Variants in RAP1GAP2 observed in about 807,000 individuals in gnomAD.
The protein encoded by RAP1GAP2 is RAP1 GTPase activating protein 2, also known as rap1 GTPase-activating protein 2.
Under a neutral mutation model 95.0 loss-of-function variants are expected in RAP1GAP2, and 27 were observed. The observed-to-expected ratio is 0.28, with a 90% CI of 0.21 to 0.39. RAP1GAP2 has a LOEUF of 0.39. Among genes scored for constraint, RAP1GAP2 ranks in the 10% least tolerant of loss-of-function variants. The pLI, the probability that RAP1GAP2 is intolerant of heterozygous loss-of-function variation, is 1.00. For missense variants in RAP1GAP2, 771 were observed against 970.0 expected (o/e 0.79, Z 2.72); for synonymous variants, 373 against 380.9 (o/e 0.98, Z 0.24).
chr17:2,756,306 C>T (rs59063966), intron 1 of RAP1GAP2, among the ~76,000 whole-genome samples: 2 of 152,122 alleles, frequency 1.3e-5, no homozygotes, highest in Non-Finnish European at 2.9e-5. Flanking sequence ...CCTAGGAGAC[C>T]AGGGCAGGGG....
intron 2 of RAP1GAP2, among the ~76,000 whole-genome samples, chr17:2,829,684 G>T (rs866257330): frequency 6.6e-6 from 1 of 152,168 alleles, no homozygotes; most frequent in African/African-American, 2.4e-5. Flanking sequence ...TTTCTCAGGG[G>T]AGACTAAGCT....
chr17:2,772,265 G>A (rs908867982), upstream of RAP1GAP2, among the ~76,000 whole-genome samples: 2 of 152,114 alleles, frequency 1.3e-5, no homozygotes, highest in Admixed American at 6.6e-5. Flanking sequence ...TGGGATTACA[G>A]GTGTGAACAC....
rs970287361 is a variant in RAP1GAP2 at position 3,012,609 on chromosome 17, A to T, written c.1494+4464A>T. ...CAGCAGATCCAGACTGTGTCTCAAA[A>T]AAAAAAAAAAAAAAAAAAAAAACAA... On this transcript the variant is annotated intron_variant, in intron 17 of 24. Coordinates refer to ENST00000254695, the MANE Select transcript of RAP1GAP2 (RefSeq NM_015085.5). Among the ~76,000 whole-genome samples the T allele has an allele frequency of 2.0e-3, 118 of 58,526 alleles. No individual in the cohort carries two copies. In the East Asian group the frequency reaches 0.032, roughly 16 times the overall value. The allele number at this position is 58,526 out of a possible 152,430, so 38.4% of individuals were successfully genotyped here. A position where few individuals can be genotyped will look rare whatever the true frequency, so the allele number is the denominator to read the frequency against.
intron 2 of RAP1GAP2, among the ~76,000 whole-genome samples, chr17:2,838,265 G>C (rs901432464): frequency 6.6e-6 from 1 of 151,848 alleles, no homozygotes; most frequent in Admixed American, 6.6e-5. Context: ...TGATCCGCCC[G>C]CCTCGGCCTC....
At chr17:2,807,341 T>C (rs561886813) in intron 2 of RAP1GAP2, among the ~76,000 whole-genome samples, 1 of 152,354 alleles carries the variant, frequency 6.6e-6, no homozygotes, top group South Asian at 2.1e-4. Flanking sequence ...TAGAACCCTC[T>C]GGGGCCAACT....
At chr17:2,920,010 CTTTT>C (rs34848214) in intron 3 of RAP1GAP2, among the ~76,000 whole-genome samples, 1 of 116,950 alleles carries the variant, frequency 8.6e-6, no homozygotes, top group African/African-American at 3.0e-5. Context: ...CTCCTTTTTT[CTTTT>C]TTTTTTTTTT....
intron 1 of RAP1GAP2, among the ~76,000 whole-genome samples, chr17:2,764,167 C>T (rs955222441): frequency 1.3e-5 from 2 of 152,174 alleles, no homozygotes; most frequent in African/African-American, 4.8e-5. Context: ...CGCAGTGGCT[C>T]ACGCCTGTAA....
intron 11 of RAP1GAP2, among the ~76,000 whole-genome samples, chr17:2,988,789 C>A (rs752105435): frequency 1.6e-4 from 25 of 152,220 alleles, no homozygotes; most frequent in Non-Finnish European, 3.2e-4. Context: ...CGGCCGGGCG[C>A]AGTGGCTCAC....
chr17:2,822,618 T>G (rs901695288), intron 2 of RAP1GAP2, among the ~76,000 whole-genome samples: 4 of 127,988 alleles, frequency 3.1e-5, no homozygotes, highest in Non-Finnish European at 6.3e-5. Flanking sequence ...TAAAACCCTG[T>G]TTTTTTTTGT....
intron 2 of RAP1GAP2, among the ~76,000 whole-genome samples, chr17:2,889,880 TATATATA>T (rs1482117351): frequency 1.2e-5 from 1 of 82,056 alleles, no homozygotes; most frequent in Non-Finnish European, 2.3e-5. Flanking sequence ...TATATATATA[TATATATA>T]TATTTTTTTT....
intron 8 of RAP1GAP2, among the ~76,000 whole-genome samples, chr17:2,975,946 C>T (rs534437794): frequency 5.3e-5 from 8 of 152,150 alleles, no homozygotes; most frequent in African/African-American, 1.7e-4. Flanking sequence ...CTAGGTCCCC[C>T]AGAGGCCTTG....
intron 3 of RAP1GAP2, among the ~76,000 whole-genome samples, chr17:2,911,504 G>T (rs1403691266): frequency 6.6e-6 from 1 of 151,948 alleles, no homozygotes; most frequent in East Asian, 1.9e-4. Flanking sequence ...GCAGTTGTAT[G>T]CCCAGAATTG....
intron 2 of RAP1GAP2, among the ~76,000 whole-genome samples, chr17:2,882,332 C>T (rs1188450166): frequency 6.6e-6 from 1 of 151,202 alleles, no homozygotes; most frequent in Non-Finnish European, 1.5e-5. Context: ...ACTCTTGTCC[C>T]CCAGGGTGGA....
chr17:2,819,734 C>G (rs2070198909), intron 2 of RAP1GAP2, among the ~76,000 whole-genome samples: 1 of 151,394 alleles, frequency 6.6e-6, no homozygotes, highest in Admixed American at 6.6e-5. Context: ...TCCCAAAGTG[C>G]TGGGATTACA....
At chr17:2,771,349 G>A (rs565396436) in intron 2 of RAP1GAP2, among the ~76,000 whole-genome samples, 1 of 152,214 alleles carries the variant, frequency 6.6e-6, no homozygotes, top group Admixed American at 6.6e-5. Context: ...CCCCAGCACT[G>A]GACACGTATG....
chr17:3,030,524 C>T (rs1244245945), intron 22 of RAP1GAP2, among the ~76,000 whole-genome samples: 1 of 152,108 alleles, frequency 6.6e-6, no homozygotes, highest in Non-Finnish European at 1.5e-5. Flanking sequence ...TGTCCTCGAA[C>T]GTGGACTTGG....
intron 2 of RAP1GAP2, among the ~76,000 whole-genome samples, chr17:2,874,232 G>A (rs2072986851): frequency 6.6e-6 from 1 of 152,120 alleles, no homozygotes; most frequent in African/African-American, 2.4e-5. Flanking sequence ...GGAACAATGG[G>A]TACACCCTCC....
chr17:2,784,044 C>T (rs568536317), intron 1 of RAP1GAP2, among the ~76,000 whole-genome samples: 1 of 152,300 alleles, frequency 6.6e-6, no homozygotes, highest in South Asian at 2.1e-4. Context: ...GCAATCTCGG[C>T]TCACTGCAAC....
intron 4 of RAP1GAP2, among the ~76,000 whole-genome samples, chr17:2,958,584 A>G (rs2044203683): frequency 6.6e-6 from 1 of 152,052 alleles, no homozygotes; most frequent in Admixed American, 6.6e-5. Flanking sequence ...TATTATTATT[A>G]TTATTATCCC....
Sources: gnomAD v4.1 joint callset for allele counts (sites outside exome capture counted in the v4.1 genomes callset) on GRCh38, gnomAD v4.1.1 for gene constraint, MANE v1.5 for transcripts, NCBI Gene and HGNC (gene_info 2026-07-23, HGNC 2026-07-21) for gene names.